Variants in ZFAT observed in about 807,000 individuals in gnomAD.
ZFAT encodes zinc finger protein ZFAT.
In ZFAT, 64 loss-of-function variants were observed where a neutral mutation model predicts 117.7. That is an observed-to-expected ratio of 0.54 (90% CI 0.44 to 0.67). ZFAT has a LOEUF of 0.67. ZFAT is among the 30% of genes least tolerant of loss of function. The probability of loss-of-function intolerance (pLI) is 0.00; values close to 1 mark genes in which losing one functional copy is unlikely to be tolerated. For synonymous variants in ZFAT, 679 were observed against 615.0 expected (o/e 1.10, Z -1.54); for missense variants, 1,433 against 1,584.5 (o/e 0.90, Z 1.62).
At chr8:134,577,943 T>C (rs543529728) in intron 10 of ZFAT, among the ~76,000 whole-genome samples, 27 of 152,196 alleles carry the variant, frequency 1.8e-4, no homozygotes, top group African/African-American at 5.8e-4. Context: ...TGGTGGGGTA[T>C]GGAGACCTTC....
chr8:134,747,337 A>G, the ZFAT span, among the ~76,000 whole-genome samples: 15 of 152,186 alleles, frequency 9.9e-5, no homozygotes, highest in African/African-American at 3.6e-4. Context: ...TGATCCTCCC[A>G]CCTCAGCCTC....
rs563349295 is a variant in ZFAT, at chr8:134,657,588, G to A, written c.169C>T (p.Pro57Ser). Residue 57 changes from proline to serine, a missense_variant, in exon 2 of 16, where the codon CCC becomes TCC. Physicochemically the swap from Pro to Ser is moderately conservative, Grantham distance 74. This residue lies in a region of ZFAT where 436 missense variants were observed against 482.0 expected (regional missense o/e 0.90). Coordinates refer to ENST00000377838, the MANE Select transcript of ZFAT (RefSeq NM_020863.4). ...IPLRPLSTPEPPNSSKTGDEF... is the reference protein window; with the variant it reads ...IPLRPLSTPESPNSSKTGDEF... ...TCTCCGGTTTTGCTTGAGTTGGGGGGTTCAGGTGTACTCAGAGGCCTAAGG... is the reference window on the plus strand; with the variant it reads ...TCTCCGGTTTTGCTTGAGTTGGGGGATTCAGGTGTACTCAGAGGCCTAAGG... 34 of 1,613,648 alleles carry A rather than the reference G, an allele frequency of 2.1e-5. No homozygotes were observed. In the Admixed American group the frequency reaches 3.5e-4, roughly 17 times the overall value.
At chr8:134,669,001 A>G (rs1832408707) in intron 1 of ZFAT, among the ~76,000 whole-genome samples, 2 of 152,254 alleles carry the variant, frequency 1.3e-5, no homozygotes, top group Non-Finnish European at 2.9e-5. Flanking sequence ...AAAGAGTATC[A>G]GTGATTGAAG....
At chr8:134,741,552 C>A in the ZFAT span, among the ~76,000 whole-genome samples, 9 of 152,310 alleles carry the variant, frequency 5.9e-5, no homozygotes, top group African/African-American at 2.2e-4. Context: ...CTGGCTGTTT[C>A]TTAAATGTGG....
At chr8:134,564,455 C>G (rs993623201) in intron 11 of ZFAT, among the ~76,000 whole-genome samples, 7 of 152,188 alleles carry the variant, frequency 4.6e-5, no homozygotes, top group African/African-American at 1.7e-4. Context: ...GGCCCTATAT[C>G]AGGACAGTTT....
chr8:134,570,692 C>T (rs1222801799), intron 10 of ZFAT, among the ~76,000 whole-genome samples: 1 of 152,154 alleles, frequency 6.6e-6, no homozygotes, highest in Non-Finnish European at 1.5e-5. Context: ...GCCACCCTTT[C>T]TCCCCTCCTC....
the ZFAT span, chr8:134,800,554 C>T: frequency 9.7e-6 from 5 of 517,298 alleles, no homozygotes; most frequent in South Asian, 5.8e-5. Context: ...CACCTCCCAG[C>T]CAATCCATGT....
At chr8:134,688,100 G>A (rs896011700) in intron 1 of ZFAT, among the ~76,000 whole-genome samples, 3 of 152,140 alleles carry the variant, frequency 2.0e-5, no homozygotes, top group Non-Finnish European at 4.4e-5. Context: ...GGCGGTGGGG[G>A]GGATCTTGTG....
chr8:134,552,990 G>T (rs371903710), intron 11 of ZFAT, among the ~76,000 whole-genome samples: 77 of 152,338 alleles, frequency 5.1e-4, no homozygotes, highest in Middle Eastern at 6.8e-3. Flanking sequence ...CCAGTGCTGG[G>T]GCCTTGTGGC....
chr8:134,608,398 A>C (rs1828049273), intron 5 of ZFAT, among the ~76,000 whole-genome samples: 1 of 152,218 alleles, frequency 6.6e-6, no homozygotes, highest in Non-Finnish European at 1.5e-5. Flanking sequence ...GTGAAGCTAT[A>C]AATGTCTAAA....
At chr8:134,678,944 TA>T (rs776360165) in intron 1 of ZFAT, among the ~76,000 whole-genome samples, 1 of 152,166 alleles carries the variant, frequency 6.6e-6, no homozygotes, top group Non-Finnish European at 1.5e-5. Flanking sequence ...TAACTCAAGA[TA>T]AATTAAAGAC....
intron 3 of ZFAT, among the ~76,000 whole-genome samples, chr8:134,623,972 C>T (rs1243300559): frequency 1.3e-5 from 2 of 152,104 alleles, no homozygotes; most frequent in Non-Finnish European, 2.9e-5. Flanking sequence ...CTCAGAGTGT[C>T]AGAGTCATTT....
chr8:134,487,282 G>GC (rs1189542560), intron 15 of ZFAT, among the ~76,000 whole-genome samples: 2 of 152,026 alleles, frequency 1.3e-5, no homozygotes, highest in Non-Finnish European at 2.9e-5. Flanking sequence ...GACACTACTT[G>GC]CCCCCTGGTT....
At chr8:134,751,835 C>A in the ZFAT span, among the ~76,000 whole-genome samples, 164 of 152,264 alleles carry the variant, frequency 1.1e-3, no homozygotes, top group Non-Finnish European at 1.9e-3. Flanking sequence ...TAGCCTAACC[C>A]AACTCTTTCC....
chr8:134,510,448 C>T (rs1239723052), intron 14 of ZFAT, among the ~76,000 whole-genome samples: 1 of 152,094 alleles, frequency 6.6e-6, no homozygotes, highest in African/African-American at 2.4e-5. Flanking sequence ...CAGTCTCTGC[C>T]AACATTTTCA....
the ZFAT span, chr8:134,796,266 A>C: frequency 6.6e-6 from 1 of 152,252 alleles, no homozygotes; most frequent in Non-Finnish European, 1.5e-5. Flanking sequence ...TCAGAATCAC[A>C]AACCGCTAAC....
the ZFAT span, among the ~76,000 whole-genome samples, chr8:134,728,879 T>C: frequency 2.2e-4 from 33 of 152,230 alleles, no homozygotes; most frequent in Non-Finnish European, 1.5e-5. Context: ...AAATTTTTGA[T>C]GCTTTGGAGA....
At chr8:134,664,209 C>T (rs530755914) in intron 1 of ZFAT, among the ~76,000 whole-genome samples, 8 of 152,080 alleles carry the variant, frequency 5.3e-5, no homozygotes, top group African/African-American at 7.2e-5. Context: ...CCCCACTCTA[C>T]AGTACAGGAC....
At chr8:134,583,733 T>A (rs1825872850) in intron 10 of ZFAT, 99 bp downstream of exon 10, 1 of 1,437,616 alleles carries the variant, frequency 7.0e-7, no homozygotes, top group Non-Finnish European at 9.4e-7. Flanking sequence ...GGGCAAGTGC[T>A]CTTTCCTGCC....
Sources: allele counts gnomAD v4.1 joint callset (sites outside exome capture counted in the v4.1 genomes callset), GRCh38; gene constraint gnomAD v4.1.1; regional missense constraint gnomAD v4.1.1; transcripts MANE v1.5; gene names NCBI Gene and HGNC (gene_info 2026-07-23, HGNC 2026-07-21).